The following ZNF888 variants were observed in gnomAD, a reference collection of about 807,000 sequenced individuals.
The protein encoded by ZNF888 is CTD-2331H12.6.
In ZNF888, 5 loss-of-function variants were observed where a neutral mutation model predicts 7.2. The observed-to-expected ratio is 0.70, with a 90% CI of 0.36 to 1.46. The LOEUF (loss-of-function observed/expected upper bound fraction) is 1.46. Ranked by LOEUF, ZNF888 falls within the 40% of genes most tolerant of loss-of-function variation. The probability of loss-of-function intolerance (pLI) is 0.03; values close to 1 mark genes in which losing one functional copy is unlikely to be tolerated. For synonymous variants in ZNF888, 240 were observed against 284.3 expected (o/e 0.84, Z 1.57); for missense variants, 716 against 858.0 (o/e 0.83, Z 2.07).
intron 1 of ZNF888, among the ~76,000 whole-genome samples, chr19:52,922,803 A>AC (rs1300318339): frequency 2.0e-5 from 3 of 152,052 alleles, no homozygotes; most frequent in Non-Finnish European, 4.4e-5. Context: ...AGGCAAGAAC[A>AC]CCCCGTGTCA....
Position 52,905,319 on chromosome 19 carries a change from C to T in ZNF888, c.*846G>A, listed in dbSNP as rs117959558. ...AGCACCTTGTGACCCCCACCTCTGC[C>T]AGCCAGAGAACAACCCCCTTTGATT... On this transcript the variant is annotated 3_prime_UTR_variant, in exon 5 of 5. Coordinates refer to ENST00000638862, the MANE Select transcript of ZNF888 (RefSeq NM_001393938.1). 10,672 of 151,960 alleles carry T rather than the reference C, an allele frequency of 0.07. 677 individuals are homozygous for T. The highest frequency in any genetic ancestry group is 0.19 in the Admixed American group (2,956 of 15,176). The allele number at this position is 151,960 out of a possible 1,614,324, so 9.4% of individuals were successfully genotyped here.
intron 1 of ZNF888, among the ~76,000 whole-genome samples, chr19:52,922,812 C>T (rs762626755): frequency 1.8e-4 from 27 of 152,174 alleles, no homozygotes; most frequent in Non-Finnish European, 4.4e-5. Flanking sequence ...CACCCCGTGT[C>T]ACAGGACAGG....
In ZNF888 at chr19:52,915,290, T is replaced by A. The variant is rs769534213; in HGVS notation, c.48A>T (p.Glu16Asp). The A allele has an allele frequency of 1.8e-5, 29 of 1,613,678 alleles. No individual in the cohort carries two copies. In the East Asian group the frequency reaches 3.6e-4, roughly 20 times the overall value. The change falls in exon 4 of 5, where the codon GAA becomes GAT. Residue 16 changes from glutamate to aspartate, a missense_variant. Physicochemically the swap from Glu to Asp is conservative, Grantham distance 45. Transcript: ENST00000638862. ...GLLTFRDVAI[E>D]FSQEEWKCLD... is the part of the protein sequence containing the mutation. ...GGCATTTCCACTCCTCCTGAGAGAA[T>A]TCTATGGCCACATCCCTGAATGTCA...
chr19:52,906,877 T>G lies in ZNF888; in HGVS notation c.1445A>C (p.Glu482Ala). The G allele has an allele frequency of 6.2e-7, 1 of 1,611,718 alleles. No homozygotes were observed. The highest frequency in any genetic ancestry group is 2.2e-5 in the East Asian group (1 of 44,728). Reference sequence around the variant, plus strand: ...ACCAGTGTGAATTCTCCTATGTCTTTCAAGGTGTGATTTGCGACTGAAAAC... The same window carrying G: ...ACCAGTGTGAATTCTCCTATGTCTTGCAAGGTGTGATTTGCGACTGAAAAC... ...DKVFSRKSHL[E>A]RHRRIHTGEK... The change falls in exon 5 of 5, where the codon GAA (glutamate) becomes GCA (alanine). Residue 482 changes from glutamate to alanine, a missense_variant. Physicochemically the swap from Glu to Ala is moderately radical, Grantham distance 107. Transcript: ENST00000638862.
chr19:52,905,600 C>T lies in ZNF888; in HGVS notation c.*565G>A. On this transcript the variant is annotated 3_prime_UTR_variant, in exon 5 of 5. Coordinates refer to ENST00000638862, the MANE Select transcript of ZNF888 (RefSeq NM_001393938.1). ...ACAGTGCTAGCATTACAGGTGTGAG[C>T]CACCGCACTCAGCCTAATCCTCTTA... 2.8e-6 allele frequency: 1 copy of T among 361,328 alleles called. No individual in the cohort carries two copies. The highest frequency in any genetic ancestry group is 5.6e-6 in the Non-Finnish European group (1 of 179,126). 22.4% of individuals were successfully genotyped at this position (361,328 alleles called of 1,614,324 possible).
intron 3 of ZNF888, 29 bp downstream of exon 3, chr19:52,917,830 A>C: frequency 6.2e-7 from 1 of 1,613,496 alleles, no homozygotes; most frequent in East Asian, 2.2e-5. Context: ...GGAAGGAGAC[A>C]GAACAATCCA....
chr19:52,922,860 G>A (rs1001377901), intron 1 of ZNF888, among the ~76,000 whole-genome samples: 3 of 152,148 alleles, frequency 2.0e-5, no homozygotes, highest in African/African-American at 7.2e-5. Flanking sequence ...AGGGAAAGCG[G>A]TGACTGCGGA....
At chr19:52,921,911 A>G (rs2064825970) in intron 1 of ZNF888, among the ~76,000 whole-genome samples, 1 of 152,234 alleles carries the variant, frequency 6.6e-6, no homozygotes. Context: ...CCTGGGCAAC[A>G]AGAGCAAAAC....
intron 1 of ZNF888, among the ~76,000 whole-genome samples, chr19:52,920,993 C>T (rs1488969720): frequency 6.9e-6 from 1 of 145,224 alleles, no homozygotes; most frequent in Non-Finnish European, 1.5e-5. Flanking sequence ...GTGGTTGATG[C>T]AGAGATAATA....
At position 52,923,385 on chromosome 19, in the gene ZNF888, C is replaced by T; in HGVS notation, c.-194G>A. 1 of 985,770 alleles carries T rather than the reference C, an allele frequency of 1.0e-6. No individual in the cohort carries two copies. The highest frequency in any genetic ancestry group is 1.2e-6 in the Non-Finnish European group (1 of 830,048). The allele number at this position is 985,770 out of a possible 1,614,324, so 61.1% of individuals were successfully genotyped here. ...AAAACTCACCGCCGCAGTGTGACTT[C>T]CAGTCCACGCGATCCGCTTCCTGGT... On this transcript the variant is annotated 5_prime_UTR_variant, in exon 1 of 5. Transcript: ENST00000638862.
intron 1 of ZNF888, among the ~76,000 whole-genome samples, chr19:52,921,175 G>A (rs1262780295): frequency 1.3e-5 from 2 of 152,160 alleles, no homozygotes; most frequent in Non-Finnish European, 1.5e-5. Context: ...GAAGTATTTT[G>A]ATATCTGGGA....
At chr19:52,921,893 C>T (rs957831673) in intron 1 of ZNF888, 14 of 152,250 alleles carry the variant, frequency 9.2e-5, no homozygotes, top group African/African-American at 3.1e-4. Flanking sequence ...CGTGCCATTG[C>T]ACTTCAGCCT....
At chr19:52,913,032 G>A (rs973795079) in intron 4 of ZNF888, among the ~76,000 whole-genome samples, 2 of 152,100 alleles carry the variant, frequency 1.3e-5, no homozygotes, top group Non-Finnish European at 2.9e-5. Context: ...GCTTGAACCC[G>A]GGAGATGGAG....
At chr19:52,923,341 C>T (rs532201676) in intron 1 of ZNF888, 28 bp downstream of exon 1, 1 of 985,880 alleles carries the variant, frequency 1.0e-6, no homozygotes, top group South Asian at 4.6e-5. Context: ...GGAGGCACAG[C>T]CTCAATACAA....
chr19:52,909,455 C>T (rs1404909697), intron 4 of ZNF888, among the ~76,000 whole-genome samples: 2 of 149,724 alleles, frequency 1.3e-5, no homozygotes, highest in Non-Finnish European at 2.9e-5. Context: ...ACCACGTTGG[C>T]AAGGCTCGTC....
chr19:52,909,144 C>A (rs867478178), intron 4 of ZNF888, among the ~76,000 whole-genome samples: 3 of 142,934 alleles, frequency 2.1e-5, no homozygotes, highest in African/African-American at 7.6e-5. Flanking sequence ...GACTCCATCT[C>A]AAAAAAAAAA....
chr19:52,917,510 C>G (rs1600688094), intron 3 of ZNF888: 1 of 620,552 alleles, frequency 1.6e-6, no homozygotes, highest in Non-Finnish European at 2.9e-6. Context: ...CCATTGGCAG[C>G]TACTCTAATC....
rs146903763 is a variant in ZNF888, at chr19:52,923,254, C to G, written c.-178+115G>C. ...TCCTAGGGGAATGTCTCCATTTGCTCTTGTTGAAGGAAGAAGGGCGAGAAT... is the reference window on the plus strand; with the variant it reads ...TCCTAGGGGAATGTCTCCATTTGCTGTTGTTGAAGGAAGAAGGGCGAGAAT... On this transcript the variant is annotated intron_variant, in intron 1 of 4. Coordinates refer to ENST00000638862, the MANE Select transcript of ZNF888 (RefSeq NM_001393938.1). 1.3e-3 allele frequency: 1,318 copies of G among 976,766 alleles called. 15 individuals carry two copies. The African/African-American group carries it at 0.022, about 16-fold the overall frequency. The allele number at this position is 976,766 out of a possible 1,614,324, so 60.5% of individuals were successfully genotyped here.
intron 1 of ZNF888, among the ~76,000 whole-genome samples, chr19:52,919,881 G>A (rs1331390301): frequency 3.5e-5 from 2 of 57,460 alleles, no homozygotes; most frequent in African/African-American, 1.2e-4. Context: ...CCCTCTGCCT[G>A]GCAACCGCCC....
Sources: gnomAD v4.1 joint callset for allele counts (sites outside exome capture counted in the v4.1 genomes callset) on GRCh38, gnomAD v4.1.1 for gene constraint, MANE v1.5 for transcripts, NCBI Gene and HGNC (gene_info 2026-07-23, HGNC 2026-07-21) for gene names.